OR4D1: variants seen among roughly 807,000 people sequenced by gnomAD.
OR4D1 encodes olfactory receptor 4D1.
OR4D1 carries 10 observed loss-of-function variants against 14.2 expected under a neutral mutation model. That is an observed-to-expected ratio of 0.71 (90% CI 0.44 to 1.20). The LOEUF (loss-of-function observed/expected upper bound fraction) is 1.20. Among genes scored for constraint, OR4D1 ranks in the 50% most tolerant of loss-of-function variants. The pLI, the probability that OR4D1 is intolerant of heterozygous loss-of-function variation, is 0.00. For synonymous variants in OR4D1, 141 were observed against 147.4 expected (o/e 0.96, Z 0.32); for missense variants, 345 against 376.6 (o/e 0.92, Z 0.70).
At chr17:58,153,810 A>G (rs1305924861) in intron 2 of OR4D1, among the ~76,000 whole-genome samples, 47 bp from the exon 3 acceptor site, 3 of 152,158 alleles carry the variant, frequency 2.0e-5, no homozygotes, top group Non-Finnish European at 4.4e-5. Context: ...TTCACTTACT[A>G]AAGAATCATG....
Position 58,156,976 on chromosome 17 carries a change from C to T in OR4D1, c.*890C>T. On this transcript the variant is annotated 3_prime_UTR_variant, in exon 4 of 4. Transcript: ENST00000268912. The stretch of plus-strand genomic sequence containing the variant: ...AAGTTTGAGTCGCCGCTGCGGGTTG[C>T]TAGCGGAGTCGCGCGTCGGGAGCTA... The T allele has an allele frequency of 1.4e-6, 1 of 723,508 alleles. No homozygotes were observed. The highest frequency in any genetic ancestry group is 2.4e-6 in the Non-Finnish European group (1 of 413,914). The allele number at this position is 723,508 out of a possible 1,614,324, so 44.8% of individuals were successfully genotyped here.
At position 58,155,930 on chromosome 17, in the gene OR4D1, C is replaced by T. The variant is rs774695429; in HGVS notation, c.777C>T (p.Thr259=). 1.9e-6 allele frequency: 3 copies of T among 1,614,134 alleles called. No homozygotes were observed. The South Asian group carries it at 3.3e-5, about 18-fold the overall frequency. ...TCATTCCCTGTATCTATATCTATAC[C>T]TGGCCCTTCACCCCATTCCTCATGG... is the stretch of plus-strand genomic sequence containing the variant. The part of the protein sequence containing the change: ...MIFIPCIYIY[T]WPFTPFLMDK... Residue 259 remains threonine, a synonymous_variant, in exon 4 of 4, where the codon ACC becomes ACT. Coordinates refer to ENST00000268912, the MANE Select transcript of OR4D1 (RefSeq NM_001386095.1).
chr17:58,151,645 T>C (rs925536084), intron 2 of OR4D1, among the ~76,000 whole-genome samples: 2 of 152,206 alleles, frequency 1.3e-5, no homozygotes, highest in African/African-American at 4.8e-5. Context: ...TATAAGAGCA[T>C]CAGTGCAATC....
Position 58,155,961 on chromosome 17 carries a change from G to GA in OR4D1, c.808_809insA (p.Ala270AspfsTer46). The GA allele has an allele frequency of 6.2e-7, 1 of 1,613,754 alleles. No homozygotes were observed. The highest frequency in any genetic ancestry group is 8.5e-7 in the Non-Finnish European group (1 of 1,179,800). ...CTTCACCCCATTCCTCATGGACAAGGCTGTGTCCATCAGCTACACAGTCAT... is the reference window on the plus strand; with the variant it reads ...CTTCACCCCATTCCTCATGGACAAGGACTGTGTCCATCAGCTACACAGTCAT... On this transcript the variant is annotated frameshift_variant, in exon 4 of 4. Coordinates refer to ENST00000268912, the MANE Select transcript of OR4D1 (RefSeq NM_001386095.1). LOFTEE classifies it high-confidence loss of function.
At position 58,156,190 on chromosome 17, in the gene OR4D1, C is replaced by T. The variant is rs1967771290; in HGVS notation, c.*104C>T. On this transcript the variant is annotated 3_prime_UTR_variant, in exon 4 of 4. Coordinates refer to ENST00000268912, the MANE Select transcript of OR4D1 (RefSeq NM_001386095.1). ...ATAAAGCATAACAAATCAGATTACA[C>T]TTATATTTCTTGAGGACCTAGTGCT... The T allele has an allele frequency of 2.6e-6, 2 of 774,612 alleles. No individual in the cohort carries two copies. The highest frequency in any genetic ancestry group is 2.7e-5 in the East Asian group (1 of 37,328). 48.0% of individuals were successfully genotyped at this position (774,612 alleles called of 1,614,324 possible).
Position 58,155,243 on chromosome 17 carries a change from GT to G in OR4D1, c.92del (p.Phe31SerfsTer3). 2 of 1,614,128 alleles carry G rather than the reference GT, an allele frequency of 1.2e-6. No homozygotes were observed. The highest frequency in any genetic ancestry group is 1.7e-6 in the Non-Finnish European group (2 of 1,180,012). Reference protein sequence around the residue: ...QELQKFLFLLFLLVYVTTIVG... With the variant: ...QELQKFLFLLXLLVYVTTIVG... ...AGCTCCAGAAATTCCTGTTCCTTCT[GT>G]TCCTGTTAGTCTATGTTACCACCAT... On this transcript the variant is annotated frameshift_variant, in exon 4 of 4. Transcript: ENST00000268912. LOFTEE classifies it high-confidence loss of function.
chr17:58,149,994 T>C (rs1007105731), intron 2 of OR4D1, among the ~76,000 whole-genome samples, 198 bp downstream of exon 2: 1 of 152,154 alleles, frequency 6.6e-6, no homozygotes, highest in Non-Finnish European at 1.5e-5. Context: ...TATGTGAGAA[T>C]TAAAAAAGAT....
At position 58,156,994 on chromosome 17, in the gene OR4D1, G is replaced by C. The variant is rs903971224; in HGVS notation, c.*908G>C. The C allele has an allele frequency of 1.9e-5, 15 of 793,054 alleles. No individual in the cohort carries two copies. In the South Asian group the frequency reaches 1.9e-4, roughly 10 times the overall value. 49.1% of individuals were successfully genotyped at this position (793,054 alleles called of 1,614,324 possible). A position where few individuals can be genotyped will look rare whatever the true frequency, so the allele number is the denominator to read the frequency against. The stretch of plus-strand genomic sequence containing the variant: ...CGGGTTGCTAGCGGAGTCGCGCGTC[G>C]GGAGCTACGTAGGGCAGGGAAGGCA... On this transcript the variant is annotated 3_prime_UTR_variant, in exon 4 of 4. Transcript: ENST00000268912.
At position 58,156,407 on chromosome 17, in the gene OR4D1, G is replaced by A. The variant is rs1397449941; in HGVS notation, c.*321G>A. The A allele has an allele frequency of 3.9e-5, 9 of 230,954 alleles. No homozygotes were observed. In the East Asian group the frequency reaches 9.4e-4, roughly 24 times the overall value. 14.3% of individuals were successfully genotyped at this position (230,954 alleles called of 1,614,324 possible). On this transcript the variant is annotated 3_prime_UTR_variant, in exon 4 of 4. Coordinates refer to ENST00000268912, the MANE Select transcript of OR4D1 (RefSeq NM_001386095.1). ...TGGGATTACAGGCACCCACCACCAC[G>A]CCCGGCTAATTTTTGTATTCTTAGT... is the stretch of plus-strand genomic sequence containing the variant.
intron 2 of OR4D1, among the ~76,000 whole-genome samples, chr17:58,151,749 G>T (rs920629248): frequency 6.6e-6 from 1 of 152,150 alleles, no homozygotes; most frequent in Non-Finnish European, 1.5e-5. Context: ...TCCCATGGAG[G>T]AACCATATTT....
Position 58,157,217 on chromosome 17 carries a change from G to C in OR4D1, c.*1131G>C. ...TGCCGGCCAAAAGCGCCTCTTCCGG[G>C]GCCACCCTGCGGCTACTGCTGCTGC... On this transcript the variant is annotated 3_prime_UTR_variant, in exon 4 of 4. Coordinates refer to ENST00000268912, the MANE Select transcript of OR4D1 (RefSeq NM_001386095.1). 1 of 1,464,950 alleles carries C rather than the reference G, an allele frequency of 6.8e-7. No individual in the cohort carries two copies. Among genetic ancestry groups the C allele is most frequent in the East Asian group, 2.5e-5 (1 of 40,298 alleles). The allele number at this position is 1,464,950 out of a possible 1,614,324, so 90.7% of individuals were successfully genotyped here. A position where few individuals can be genotyped will look rare whatever the true frequency, so the allele number is the denominator to read the frequency against.
At chr17:58,151,931 G>A (rs1278396295) in intron 2 of OR4D1, among the ~76,000 whole-genome samples, 1 of 152,124 alleles carries the variant, frequency 6.6e-6, no homozygotes, top group Non-Finnish European at 1.5e-5. Flanking sequence ...AATAATTTAT[G>A]GATTTGGCAC....
Position 58,158,123 on chromosome 17 carries a change from A to G in OR4D1, c.*2037A>G, listed in dbSNP as rs935745703. ...TACAGTAGATGTAAAAATTCAAATT[A>G]TTTTAAAAGGCAAAATTTATATACA... On this transcript the variant is annotated 3_prime_UTR_variant, in exon 4 of 4. Transcript: ENST00000268912. The G allele has an allele frequency of 6.5e-6, 1 of 153,692 alleles. No individual in the cohort carries two copies. The highest frequency in any genetic ancestry group is 1.4e-5 in the Non-Finnish European group (1 of 69,276). The allele number at this position is 153,692 out of a possible 1,614,324, so 9.5% of individuals were successfully genotyped here.
At chr17:58,149,170 C>T (rs1381225044) in intron 1 of OR4D1, among the ~76,000 whole-genome samples, 1 of 152,166 alleles carries the variant, frequency 6.6e-6, no homozygotes, top group Non-Finnish European at 1.5e-5. Flanking sequence ...GAATCCTCCC[C>T]TTTCCCCATA....
Position 58,155,730 on chromosome 17 carries a change from T to C in OR4D1, c.577T>C (p.Ser193Pro). Residue 193 changes from serine (S) to proline (P), a missense_variant, in exon 4 of 4, where the codon TCC (serine) becomes CCC (proline). Transcript: ENST00000268912. ...QVLRLACTDT[S>P]LLEFLMISNS... ...ACTGAGACTTGCCTGCACTGATACC[T>C]CCCTCCTGGAGTTCCTCATGATCTC... 1 of 1,614,114 alleles carries C rather than the reference T, an allele frequency of 6.2e-7. No homozygotes were observed. The highest frequency in any genetic ancestry group is 8.5e-7 in the Non-Finnish European group (1 of 1,179,980).
chr17:58,156,978 A>G lies in OR4D1; in HGVS notation c.*892A>G. Reference sequence around the variant, plus strand: ...GTTTGAGTCGCCGCTGCGGGTTGCTAGCGGAGTCGCGCGTCGGGAGCTACG... The same window carrying G: ...GTTTGAGTCGCCGCTGCGGGTTGCTGGCGGAGTCGCGCGTCGGGAGCTACG... On this transcript the variant is annotated 3_prime_UTR_variant, in exon 4 of 4. Transcript: ENST00000268912. 1 of 724,948 alleles carries G rather than the reference A, an allele frequency of 1.4e-6. No homozygotes were observed. The highest frequency in any genetic ancestry group is 1.5e-5 in the South Asian group (1 of 65,956). The allele number at this position is 724,948 out of a possible 1,614,324, so 44.9% of individuals were successfully genotyped here.
At position 58,157,110 on chromosome 17, in the gene OR4D1, C is replaced by T; in HGVS notation, c.*1024C>T. The T allele has an allele frequency of 6.8e-7, 1 of 1,469,008 alleles. No individual in the cohort carries two copies. The highest frequency in any genetic ancestry group is 1.3e-5 in the South Asian group (1 of 78,702). The allele number at this position is 1,469,008 out of a possible 1,614,324, so 91.0% of individuals were successfully genotyped here. ...GGACGCCGAGGCGGCCGCGGAGGAG[C>T]GCCGCGTCAAGGTCTCCAGCCTGCC... On this transcript the variant is annotated 3_prime_UTR_variant, in exon 4 of 4. Transcript: ENST00000268912.
Position 58,155,774 on chromosome 17 carries a change from TATC to T in OR4D1, c.625_627del (p.Ile209del). 2 of 1,614,172 alleles carry T rather than the reference TATC, an allele frequency of 1.2e-6. No individual in the cohort carries two copies. Among genetic ancestry groups the T allele is most frequent in the African/African-American group, 2.7e-5 (2 of 75,052 alleles). The stretch of plus-strand genomic sequence containing the variant: ...TGATCTCCAACAGTGGGCTGCTAGT[TATC>T]ATCTGGTTCCTCCTCCTTCTGATCT... On this transcript the variant is annotated inframe_deletion, in exon 4 of 4. Transcript: ENST00000268912.
At position 58,155,469 on chromosome 17, in the gene OR4D1, C is replaced by A. The variant is rs752980843; in HGVS notation, c.316C>A (p.Leu106Ile). ...CATGGCCCAGATCTTCTTCTTCCAC[C>A]TTTTGGGAGGTGGGACTGTCTTTTT... The part of the protein sequence containing the change: ...GCMAQIFFFH[L>I]LGGGTVFFLS... The change falls in exon 4 of 4, where the codon CTT becomes ATT. Residue 106 changes from leucine (L) to isoleucine (I), a missense_variant. Transcript: ENST00000268912. 3.1e-6 allele frequency: 5 copies of A among 1,614,032 alleles called. No individual in the cohort carries two copies. In the South Asian group the frequency reaches 4.4e-5, roughly 14 times the overall value.
Sources: allele counts gnomAD v4.1 joint callset (sites outside exome capture counted in the v4.1 genomes callset), GRCh38; gene constraint gnomAD v4.1.1; transcripts MANE v1.5; gene names NCBI Gene and HGNC (gene_info 2026-07-23, HGNC 2026-07-21).